CABIN1: variants seen among roughly 807,000 people sequenced by gnomAD.
The protein encoded by CABIN1 is calcineurin binding protein 1.
CABIN1 carries 133 observed loss-of-function variants against 227.7 expected under a neutral mutation model. That is an observed-to-expected ratio of 0.58 (90% CI 0.51 to 0.67). The LOEUF is 0.67. Ranked by LOEUF, CABIN1 falls within the 30% of genes least tolerant of loss-of-function variation. CABIN1 has a pLI of 0.00. For missense variants in CABIN1, 2,408 were observed against 2,852.5 expected (o/e 0.84, Z 3.55); for synonymous variants, 1,086 against 1,155.1 (o/e 0.94, Z 1.21).
At chr22:24,100,777 A>G (rs1169649508) in intron 26 of CABIN1, among the ~76,000 whole-genome samples, 1 of 152,226 alleles carries the variant, frequency 6.6e-6, no homozygotes, top group Non-Finnish European at 1.5e-5. Flanking sequence ...GCTCCATTGC[A>G]TATGTGCTCT....
At chr22:24,170,537 C>T (rs1429732497) in intron 33 of CABIN1, among the ~76,000 whole-genome samples, 1 of 152,156 alleles carries the variant, frequency 6.6e-6, no homozygotes, top group African/African-American at 2.4e-5. Context: ...CCGCAGGGCC[C>T]GAGAGACAGG....
chr22:24,098,306 G>A (rs983295041), intron 26 of CABIN1, 114 bp downstream of exon 26: 2 of 1,580,930 alleles, frequency 1.3e-6, no homozygotes, highest in Non-Finnish European at 1.7e-6. Flanking sequence ...CTGGGTCTGG[G>A]GTGACACGGG....
chr22:24,069,446 A>T (rs2039932614), intron 16 of CABIN1, among the ~76,000 whole-genome samples: 1 of 151,964 alleles, frequency 6.6e-6, no homozygotes, highest in Non-Finnish European at 1.5e-5. Context: ...TGTTTATTCT[A>T]CTTTTTTGCT....
chr22:24,104,233 C>T (rs1602106161), intron 26 of CABIN1, among the ~76,000 whole-genome samples: 1 of 152,172 alleles, frequency 6.6e-6, no homozygotes, highest in African/African-American at 2.4e-5. Context: ...GGGAAGCTCA[C>T]TAGATGGCTG....
At chr22:24,014,538 A>C (rs1428755439) in intron 1 of CABIN1, among the ~76,000 whole-genome samples, 1 of 151,966 alleles carries the variant, frequency 6.6e-6, no homozygotes, top group Non-Finnish European at 1.5e-5. Flanking sequence ...TAGCCTATCC[A>C]GTCAAGATAC....
At chr22:24,092,216 G>C (rs913134197) in intron 24 of CABIN1, among the ~76,000 whole-genome samples, 1 of 152,118 alleles carries the variant, frequency 6.6e-6, no homozygotes, top group Non-Finnish European at 1.5e-5. Flanking sequence ...TTGCCTCCAG[G>C]GTGCAAATGA....
At chr22:24,164,293 GTGTCCCCTTTGGCAC>G in intron 29 of CABIN1, 92 bp from the exon 30 acceptor site, 4 of 1,406,136 alleles carry the variant, frequency 2.8e-6, no homozygotes, top group Non-Finnish European at 4.0e-6. Flanking sequence ...TGGCTGGGCA[GTGTCCCCTTTGGCAC>G]TGTGGCAGTT....
intron 12 of CABIN1, among the ~76,000 whole-genome samples, chr22:24,061,341 T>C (rs546936654): frequency 1.6e-4 from 24 of 152,344 alleles, no homozygotes; most frequent in Admixed American, 1.4e-3. Flanking sequence ...CCTGGTGGTC[T>C]TTCTGACTTG....
intron 26 of CABIN1, among the ~76,000 whole-genome samples, chr22:24,105,695 A>C (rs1459959774): frequency 2.0e-5 from 3 of 152,106 alleles, no homozygotes; most frequent in Non-Finnish European, 4.4e-5. Flanking sequence ...GCTCTCCTAC[A>C]TCAAAGAGGC....
chr22:24,056,619 T>C, intron 10 of CABIN1: 1 of 507,440 alleles, frequency 2.0e-6, no homozygotes, highest in Non-Finnish European at 3.5e-6. Flanking sequence ...AACATACTCA[T>C]GTCCCTGTGT....
intron 24 of CABIN1, among the ~76,000 whole-genome samples, chr22:24,095,572 C>A (rs1257232964): frequency 1.3e-5 from 2 of 152,156 alleles, no homozygotes; most frequent in African/African-American, 4.8e-5. Flanking sequence ...TAGAAACTCA[C>A]TTTCTATGGG....
At chr22:24,135,355 A>C (rs1602278424) in intron 29 of CABIN1, among the ~76,000 whole-genome samples, 1 of 145,674 alleles carries the variant, frequency 6.9e-6, no homozygotes. Flanking sequence ...GTGCCATTGC[A>C]CTCCAGCCGG....
In CABIN1 at chr22:24,084,599, T is replaced by G; in HGVS notation, c.2931T>G (p.Asp977Glu). Residue 977 changes from aspartate (D) to glutamate (E), a missense_variant, in exon 21 of 37, where the codon GAT becomes GAG. Around this residue, in one of 3 missense-constraint regions of CABIN1, gnomAD observed 649 missense variants for 910.3 expected, o/e 0.71. Coordinates refer to ENST00000263119, the MANE Select transcript of CABIN1 (RefSeq NM_012295.4). ...SAQQVDLIWE[D>E]ALFMFEYFKP... ...TCAAGGTGGATCTTATATGGGAGGATGCACTGTTCATGTTTGAGTATTTTA... is the reference window on the plus strand; with the variant it reads ...TCAAGGTGGATCTTATATGGGAGGAGGCACTGTTCATGTTTGAGTATTTTA... The G allele has an allele frequency of 6.2e-7, 1 of 1,614,094 alleles. No individual in the cohort carries two copies. The highest frequency in any genetic ancestry group is 1.6e-4 in the Middle Eastern group (1 of 6,062).
intron 26 of CABIN1, among the ~76,000 whole-genome samples, chr22:24,104,591 G>T (rs1014614729): frequency 2.6e-5 from 4 of 152,178 alleles, no homozygotes; most frequent in Non-Finnish European, 2.9e-5. Flanking sequence ...ATGCCCACCT[G>T]CTGCCTGCTG....
At position 24,119,830 on chromosome 22, in the gene CABIN1, C is replaced by A. The variant is rs567641274; in HGVS notation, c.4632+132C>A. On this transcript the variant is annotated intron_variant, in intron 28 of 36. Transcript: ENST00000263119. ...ACATGGGAGGGATGGGCGAGGAGAGCTGCAGGAGGCAGGGCCAGCCCCAGG... is the reference window on the plus strand; with the variant it reads ...ACATGGGAGGGATGGGCGAGGAGAGATGCAGGAGGCAGGGCCAGCCCCAGG... 32 of 948,944 alleles carry A rather than the reference C, an allele frequency of 3.4e-5. No individual in the cohort carries two copies. In the East Asian group the frequency reaches 7.5e-4, roughly 22 times the overall value. 58.8% of individuals were successfully genotyped at this position (948,944 alleles called of 1,614,324 possible).
At chr22:24,157,524 C>T (rs1171634601) in intron 29 of CABIN1, among the ~76,000 whole-genome samples, 1 of 152,156 alleles carries the variant, frequency 6.6e-6, no homozygotes, top group East Asian at 1.9e-4. Flanking sequence ...GGCTGGCTGC[C>T]CTGGAACAAG....
At chr22:24,115,163 G>A (rs2043014270) in intron 27 of CABIN1, among the ~76,000 whole-genome samples, 1 of 152,224 alleles carries the variant, frequency 6.6e-6, no homozygotes, top group African/African-American at 2.4e-5. Context: ...CCTACCATGT[G>A]TGCTCTGTGG....
rs1427024921 is a variant in CABIN1, at chr22:24,167,140, G to C, written c.5509G>C (p.Glu1837Gln). The C allele has an allele frequency of 6.3e-6, 10 of 1,595,066 alleles. No homozygotes were observed. Among genetic ancestry groups the C allele is most frequent in the Non-Finnish European group, 8.5e-6 (10 of 1,172,732 alleles). ...TTGTRAGGHP[E>Q]EPLSRLSRKR... ...AGGGACCAGGGCAGGGGGCCACCCG[G>C]AGGAGCCGCTCTCCCGGCTCAGCCG... The change falls in exon 32 of 37, where the codon GAG (glutamate) becomes CAG (glutamine). Residue 1837 changes from glutamate (E) to glutamine (Q), a missense_variant. By Grantham distance (29) the Glu-to-Gln change is conservative. This residue lies in a region of CABIN1 where 714 missense variants were observed against 773.8 expected (regional missense o/e 0.92). Coordinates refer to ENST00000263119, the MANE Select transcript of CABIN1 (RefSeq NM_012295.4).
intron 28 of CABIN1, among the ~76,000 whole-genome samples, chr22:24,133,335 G>A (rs1376924516): frequency 1.3e-5 from 2 of 152,260 alleles, no homozygotes; most frequent in Non-Finnish European, 2.9e-5. Context: ...GATGATTAGG[G>A]GAATGGTTCA....
Sources: allele counts gnomAD v4.1 joint callset (sites outside exome capture counted in the v4.1 genomes callset), GRCh38; gene constraint gnomAD v4.1.1; regional missense constraint gnomAD v4.1.1; transcripts MANE v1.5; gene names NCBI Gene and HGNC (gene_info 2026-07-23, HGNC 2026-07-21).